WASF3: variants seen among roughly 807,000 people sequenced by gnomAD.
The protein encoded by WASF3 is WASP family member 3.
WASF3 carries 11 observed loss-of-function variants against 46.6 expected under a neutral mutation model. The observed-to-expected ratio is 0.24, with a 90% CI of 0.15 to 0.39. The LOEUF is 0.39. WASF3 is among the 10% of genes least tolerant of loss of function. The probability of loss-of-function intolerance (pLI) is 1.00; values close to 1 mark genes in which losing one functional copy is unlikely to be tolerated. For synonymous variants in WASF3, 242 were observed against 259.7 expected (o/e 0.93, Z 0.65); for missense variants, 576 against 669.8 (o/e 0.86, Z 1.55).
chr13:26,629,089 C>T (rs1015524052), intron 2 of WASF3, among the ~76,000 whole-genome samples: 2 of 152,236 alleles, frequency 1.3e-5, no homozygotes, highest in Non-Finnish European at 2.9e-5. Context: ...CCACGCTCGA[C>T]GTCCTTCACT....
chr13:26,649,400 A>T (rs567974024), intron 3 of WASF3, among the ~76,000 whole-genome samples: 19 of 152,222 alleles, frequency 1.2e-4, no homozygotes, highest in Non-Finnish European at 2.8e-4. Flanking sequence ...TAGTTATGAA[A>T]AATTTATTGA....
intron 1 of WASF3, among the ~76,000 whole-genome samples, chr13:26,564,252 A>G (rs541202): frequency 0.23 from 35,745 of 152,148 alleles, 4,362 homozygotes; most frequent in Non-Finnish European, 0.27. Flanking sequence ...CCTTGTTGGC[A>G]GGAACCACAT....
the WASF3 span, among the ~76,000 whole-genome samples, chr13:26,547,564 G>A: frequency 6.6e-6 from 1 of 152,124 alleles, no homozygotes; most frequent in East Asian, 1.9e-4. Flanking sequence ...TGGCCTTACT[G>A]ATTCCTTCTC....
At chr13:26,620,583 G>A (rs922491573) in intron 2 of WASF3, 1 of 152,128 alleles carries the variant, frequency 6.6e-6, no homozygotes, top group Non-Finnish European at 1.5e-5. Flanking sequence ...ATGGCTAGAA[G>A]AGAAAGGCAG....
chr13:26,572,223 T>C (rs1009156873), intron 1 of WASF3, among the ~76,000 whole-genome samples: 9 of 152,226 alleles, frequency 5.9e-5, no homozygotes, highest in Non-Finnish European at 1.3e-4. Flanking sequence ...CAGAAAAATG[T>C]TAAATAGTGG....
intron 1 of WASF3, 130 bp downstream of exon 1, chr13:26,557,949 C>G: frequency 8.1e-6 from 2 of 247,120 alleles, no homozygotes; most frequent in Non-Finnish European, 1.5e-5. Context: ...GCCGCGCGCT[C>G]CGGCCGGGCG....
At chr13:26,654,273 T>TAG (rs1378658320) in intron 3 of WASF3, among the ~76,000 whole-genome samples, 3 of 152,312 alleles carry the variant, frequency 2.0e-5, no homozygotes, top group Admixed American at 2.0e-4. Flanking sequence ...AAGCACATAT[T>TAG]TGTCTTCAGC....
chr13:26,684,423 AAC>A (rs2137524513), intron 9 of WASF3, among the ~76,000 whole-genome samples: 1 of 151,954 alleles, frequency 6.6e-6, no homozygotes, highest in African/African-American at 2.4e-5. Flanking sequence ...AAGGTTGTAA[AAC>A]ACAAAGACTG....
At chr13:26,607,458 A>G (rs1437646787) in intron 1 of WASF3, among the ~76,000 whole-genome samples, 1 of 152,194 alleles carries the variant, frequency 6.6e-6, no homozygotes, top group African/African-American at 2.4e-5. Context: ...AGAAATAAAG[A>G]ATGAACAGCA....
intron 1 of WASF3, among the ~76,000 whole-genome samples, chr13:26,597,175 C>T (rs1880493319): frequency 6.6e-6 from 1 of 152,208 alleles, no homozygotes; most frequent in African/African-American, 2.4e-5. Context: ...CTCTGTCACC[C>T]AGGCTGGAGT....
At chr13:26,685,543 C>A (rs1883375825) in intron 9 of WASF3, 145 bp from the exon 10 acceptor site, 2 of 935,620 alleles carry the variant, frequency 2.1e-6, no homozygotes. Flanking sequence ...TTTAATATTC[C>A]CTGAGCTTTT....
chr13:26,667,406 A>G, intron 4 of WASF3, 111 bp from the exon 5 acceptor site: 1 of 920,144 alleles, frequency 1.1e-6, no homozygotes. Context: ...AATAAAAAAT[A>G]TTATTTGGTT....
chr13:26,603,327 C>T (rs1006080760), intron 1 of WASF3, among the ~76,000 whole-genome samples: 2 of 152,056 alleles, frequency 1.3e-5, no homozygotes, highest in Admixed American at 1.3e-4. Context: ...TAAAGGTGTT[C>T]CAGCACCTGA....
intron 1 of WASF3, among the ~76,000 whole-genome samples, chr13:26,611,291 GT>G (rs1337241744): frequency 1.3e-5 from 2 of 152,134 alleles, no homozygotes; most frequent in African/African-American, 4.8e-5. Context: ...TTACCTGCCT[GT>G]GAGGACTAAG....
At position 26,655,905 on chromosome 13, in the gene WASF3, T is replaced by C. The variant is rs554597892; in HGVS notation, c.134-9123T>C. 2.0e-5 allele frequency among the ~76,000 whole-genome samples: 3 copies of C among 152,302 alleles called. No individual in the cohort carries two copies. In the South Asian group the frequency reaches 6.2e-4, roughly 32 times the overall value. On this transcript the variant is annotated intron_variant, in intron 3 of 9. Coordinates refer to ENST00000335327, the MANE Select transcript of WASF3 (RefSeq NM_006646.6). ...AAAGTCCTTTGAGTACCTTACTCTT[T>C]CTAGCACAGCAATACATTCTAGGTT...
intron 1 of WASF3, among the ~76,000 whole-genome samples, chr13:26,572,597 G>T (rs1879671860): frequency 6.6e-6 from 1 of 152,068 alleles, no homozygotes; most frequent in Admixed American, 6.5e-5. Flanking sequence ...GTGGAGTTTT[G>T]CTCTGTCGCC....
chr13:26,591,032 T>C (rs1348434179), intron 1 of WASF3, among the ~76,000 whole-genome samples: 1 of 151,278 alleles, frequency 6.6e-6, no homozygotes, highest in Admixed American at 6.6e-5. Context: ...GCCACGCAGG[T>C]GTAGGTGGGT....
intron 3 of WASF3, among the ~76,000 whole-genome samples, chr13:26,663,595 A>C (rs1242089735): frequency 1.3e-5 from 2 of 152,166 alleles, no homozygotes. Context: ...GATGGGGTAC[A>C]TGTTTATTGA....
At chr13:26,629,086 C>T (rs1213185627) in intron 2 of WASF3, among the ~76,000 whole-genome samples, 7 of 152,216 alleles carry the variant, frequency 4.6e-5, no homozygotes, top group Admixed American at 1.3e-4. Flanking sequence ...GGCCCACGCT[C>T]GACGTCCTTC....
Sources: allele counts gnomAD v4.1 joint callset (sites outside exome capture counted in the v4.1 genomes callset), GRCh38; gene constraint gnomAD v4.1.1; transcripts MANE v1.5; gene names NCBI Gene and HGNC (gene_info 2026-07-23, HGNC 2026-07-21).